The following EPB41 variants were observed in gnomAD, a reference collection of about 807,000 sequenced individuals.
EPB41 encodes the protein protein 4.1.
In EPB41, 65 loss-of-function variants were observed where a neutral mutation model predicts 108.0. The ratio of observed to expected loss-of-function variants is 0.60; its 90% CI spans 0.49 to 0.74. The LOEUF (loss-of-function observed/expected upper bound fraction) is 0.74. Ranked by LOEUF, EPB41 falls within the 30% of genes least tolerant of loss-of-function variation. The pLI, the probability that EPB41 is intolerant of heterozygous loss-of-function variation, is 0.00. For missense variants in EPB41, 875 were observed against 1,037.0 expected, an observed-to-expected ratio of 0.84 and a Z score of 2.15; for synonymous variants, 336 against 358.9, an observed-to-expected ratio of 0.94 and a Z score of 0.72.
intron 4 of EPB41, among the ~76,000 whole-genome samples, chr1:29,008,815 C>T (rs1263199539): frequency 6.6e-6 from 1 of 152,236 alleles, no homozygotes; most frequent in Non-Finnish European, 1.5e-5. Context: ...GAACCACATG[C>T]AGCAACTCAG....
intron 5 of EPB41, among the ~76,000 whole-genome samples, chr1:29,015,003 G>A (rs964357600): frequency 6.6e-6 from 1 of 151,996 alleles, no homozygotes; most frequent in African/African-American, 2.4e-5. Flanking sequence ...AAAATTAGCT[G>A]AGTGTTGTGT....
At chr1:28,934,362 C>G (rs1288381576) in intron 1 of EPB41, among the ~76,000 whole-genome samples, 1 of 152,086 alleles carries the variant, frequency 6.6e-6, no homozygotes, top group African/African-American at 2.4e-5. Context: ...ATACTTTCCC[C>G]CCTTTTCCAT....
chr1:29,052,277 G>A (rs1644663147), intron 11 of EPB41, among the ~76,000 whole-genome samples: 1 of 151,998 alleles, frequency 6.6e-6, no homozygotes, highest in Non-Finnish European at 1.5e-5. Context: ...AGTACCTCCC[G>A]TCTCTCCCCT....
chr1:28,954,794 C>T (rs1248457348), intron 1 of EPB41, among the ~76,000 whole-genome samples: 1 of 152,118 alleles, frequency 6.6e-6, no homozygotes, highest in African/African-American at 2.4e-5. Context: ...ATGACTTAGG[C>T]ATAGTTCCAA....
At chr1:29,040,909 A>C (rs1409667237) in intron 11 of EPB41, among the ~76,000 whole-genome samples, 1 of 151,800 alleles carries the variant, frequency 6.6e-6, no homozygotes, top group Non-Finnish European at 1.5e-5. Flanking sequence ...GCCAAGGTGG[A>C]TGGATCACAT....
At chr1:29,080,738 C>T (rs546771353) in intron 16 of EPB41, among the ~76,000 whole-genome samples, 2 of 152,308 alleles carry the variant, frequency 1.3e-5, no homozygotes, top group South Asian at 4.1e-4. Flanking sequence ...TCTTTCATTT[C>T]CCTTGGCCAG....
At chr1:29,030,841 G>C (rs973447190) in intron 8 of EPB41, among the ~76,000 whole-genome samples, 6 of 150,510 alleles carry the variant, frequency 4.0e-5, no homozygotes, top group Admixed American at 1.3e-4. Context: ...TTGTTTTTTT[G>C]AGATGGAGCC....
At chr1:29,097,548 ACTGT>A (rs1479751340) in intron 16 of EPB41, 1 of 507,190 alleles carries the variant, frequency 2.0e-6, no homozygotes, top group East Asian at 3.7e-5. Context: ...ACCAATCATA[ACTGT>A]CTGCTCTTAC....
In EPB41 at chr1:28,997,256, G is replaced by A; in HGVS notation, c.723G>A (p.Glu241=). The change falls in exon 4 of 21, where the codon GAG becomes GAA. Residue 241 remains glutamate, a synonymous_variant. Coordinates refer to ENST00000343067, the MANE Select transcript of EPB41 (RefSeq NM_001376013.1). ...AAGATTTGCTTAAACGAGTATGTGA[G>A]CATCTCAATCTTTTGGAAGAAGACT... ...KGQDLLKRVC[E]HLNLLEEDYF... is the part of the protein sequence containing the mutation. 6.2e-7 allele frequency: 1 copy of A among 1,614,148 alleles called. No homozygotes were observed. The highest frequency in any genetic ancestry group is 1.1e-5 in the South Asian group (1 of 91,080).
chr1:29,101,711 G>T (rs1345874930), intron 17 of EPB41, among the ~76,000 whole-genome samples: 1 of 151,884 alleles, frequency 6.6e-6, no homozygotes, highest in Non-Finnish European at 1.5e-5. Context: ...GAGAGGTTGC[G>T]TAAAGTTTAT....
At chr1:28,943,365 C>T (rs1336589810) in intron 1 of EPB41, among the ~76,000 whole-genome samples, 1 of 152,160 alleles carries the variant, frequency 6.6e-6, no homozygotes, top group Non-Finnish European at 1.5e-5. Context: ...ATCAAAACTA[C>T]AATGAGGCCG....
chr1:28,998,378 C>T (rs1023112276), intron 4 of EPB41, among the ~76,000 whole-genome samples: 2 of 151,968 alleles, frequency 1.3e-5, no homozygotes, highest in Admixed American at 6.6e-5. Context: ...GTCCAGGTTG[C>T]GGGGTGGGTG....
chr1:29,030,454 G>T lies in EPB41; in HGVS notation c.1179G>T (p.Leu393Phe), dbSNP rs1422935489. The T allele has an allele frequency of 1.1e-5, 18 of 1,613,956 alleles. No individual in the cohort carries two copies. Among genetic ancestry groups the T allele is most frequent in the Non-Finnish European group, 1.4e-5 (17 of 1,179,992 alleles). The change falls in exon 8 of 21, where the codon TTG becomes TTT. Residue 393 changes from leucine (L) to phenylalanine (F), a missense_variant. Physicochemically the swap from Leu to Phe is conservative, Grantham distance 22. Around this residue, in one of 3 missense-constraint regions of EPB41, gnomAD observed 519 missense variants for 627.3 expected, o/e 0.83. Transcript: ENST00000343067. ...DLEFLENAKK[L>F]SMYGVDLHKA... ...AGTTTCTTGAGAATGCCAAAAAGTT[G>T]TCTATGTATGGAGTTGATCTTCATA...
At chr1:29,042,473 G>T (rs1283517302) in intron 11 of EPB41, among the ~76,000 whole-genome samples, 6 of 150,868 alleles carry the variant, frequency 4.0e-5, no homozygotes, top group African/African-American at 7.3e-5. Context: ...TGTTTTTTTT[G>T]TTTTGTTTTG....
At chr1:29,077,581 T>C (rs987789585) in intron 16 of EPB41, among the ~76,000 whole-genome samples, 1 of 152,202 alleles carries the variant, frequency 6.6e-6, no homozygotes, top group Non-Finnish European at 1.5e-5. Flanking sequence ...AATTTGACAC[T>C]TTTTCTTGTG....
At chr1:28,905,098 C>T (rs1272449911) in intron 1 of EPB41, among the ~76,000 whole-genome samples, 2 of 150,724 alleles carry the variant, frequency 1.3e-5, no homozygotes, top group Non-Finnish European at 2.9e-5. Context: ...ACTTGGGAGG[C>T]TGAGGCATGA....
intron 1 of EPB41, among the ~76,000 whole-genome samples, chr1:28,957,884 T>A (rs1233338614): frequency 6.6e-6 from 1 of 152,242 alleles, no homozygotes; most frequent in African/African-American, 2.4e-5. Flanking sequence ...TACTTTCTAC[T>A]TAGTTGAAAT....
chr1:28,958,819 C>CAAAAAAAAAAAAAAAAAAAA (rs35105287), intron 1 of EPB41, among the ~76,000 whole-genome samples: 2 of 65,756 alleles, frequency 3.0e-5, no homozygotes, highest in South Asian at 4.8e-4. Context: ...ACCCTGTCTC[C>CAAAAAAAAAAAAAAAAAAAA]AAAAAAAAAA....
At chr1:29,024,439 C>G (rs1214497316) in intron 7 of EPB41, among the ~76,000 whole-genome samples, 3 of 151,724 alleles carry the variant, frequency 2.0e-5, no homozygotes, top group Non-Finnish European at 4.4e-5. Flanking sequence ...CAAGACCAGC[C>G]TGGTCAAGAT....
Sources: allele counts gnomAD v4.1 joint callset (sites outside exome capture counted in the v4.1 genomes callset), GRCh38; gene constraint gnomAD v4.1.1; regional missense constraint gnomAD v4.1.1; transcripts MANE v1.5; gene names NCBI Gene and HGNC (gene_info 2026-07-23, HGNC 2026-07-21).